Variants in TRIM49 observed in about 807,000 individuals in gnomAD.
The protein encoded by TRIM49 is tripartite motif-containing protein 49.
Under a neutral mutation model 27.4 loss-of-function variants are expected in TRIM49, and 5 were observed. The observed-to-expected ratio is 0.18, with a 90% CI of 0.10 to 0.38. The LOEUF is 0.38. Ranked by LOEUF, TRIM49 falls within the 10% of genes least tolerant of loss-of-function variation. TRIM49 has a pLI of 1.00. For synonymous variants in TRIM49, 69 were observed against 166.0 expected (o/e 0.42, Z 4.49); for missense variants, 188 against 487.5 (o/e 0.39, Z 5.79).
Position 89,798,205 on chromosome 11 carries a change from G to C in TRIM49, c.1284C>G (p.Ser428Arg). The C allele has an allele frequency of 1.3e-6, 2 of 1,540,844 alleles. No individual in the cohort carries two copies. Among genetic ancestry groups the C allele is most frequent in the Non-Finnish European group, 1.7e-6 (2 of 1,152,506 alleles). The change falls in exon 8 of 8, where the codon AGC becomes AGG. Residue 428 changes from serine to arginine, a missense_variant. By Grantham distance (110) the Ser-to-Arg change is moderately radical. Around this residue, in one of 6 missense-constraint regions of TRIM49, gnomAD observed 10 missense variants for 49.9 expected, o/e 0.20. Transcript: ENST00000329758. ...AATTAGGGATGGTGTATATTAGGGA[G>C]CTTTGATTAACATCAACAAAGCTCA... The part of the protein sequence containing the change: ...KTVSFVDVNQ[S>R]SLIYTIPNCS...
intron 6 of TRIM49, among the ~76,000 whole-genome samples, chr11:89,800,521 A>C (rs1591513380): frequency 6.6e-6 from 1 of 151,270 alleles, no homozygotes; most frequent in Non-Finnish European, 1.5e-5. Context: ...AGGCGGGCGG[A>C]TCACGGGGTC....
the TRIM49 span, among the ~76,000 whole-genome samples, chr11:89,783,049 C>G: frequency 1.6e-3 from 224 of 140,868 alleles, 19 homozygotes; most frequent in African/African-American, 5.8e-3. Context: ...ACCTCACAGA[C>G]TTTATTATTT....
At chr11:89,773,811 G>A in the TRIM49 span, among the ~76,000 whole-genome samples, 1 of 133,302 alleles carries the variant, frequency 7.5e-6, no homozygotes, top group East Asian at 2.2e-4. Flanking sequence ...AGTGGCAGGT[G>A]CCTGTAATCC....
chr11:89,806,140 G>GT (rs1404714238), intron 2 of TRIM49, among the ~76,000 whole-genome samples: 2 of 149,640 alleles, frequency 1.3e-5, no homozygotes, highest in Non-Finnish European at 3.0e-5. Flanking sequence ...AACCTGTACA[G>GT]TATGTTCTGT....
the TRIM49 span, chr11:89,782,140 T>C: frequency 6.4e-7 from 1 of 1,551,292 alleles, no homozygotes; most frequent in Non-Finnish European, 8.7e-7. Context: ...TTATTGATTC[T>C]GATGAAAGAT....
Position 89,798,818 on chromosome 11 carries a change from G to GT in TRIM49, c.860-190dup, listed in dbSNP as rs75501184. Among the ~76,000 whole-genome samples, 62 of 100,784 alleles carry GT rather than the reference G, an allele frequency of 6.2e-4. 2 individuals carry two copies. The highest frequency in any genetic ancestry group is 9.7e-4 in the East Asian group (3 of 3,106). 66.1% of individuals were successfully genotyped at this position (100,784 alleles called of 152,430 possible). On this transcript the variant is annotated intron_variant, in intron 7 of 7. Transcript: ENST00000329758. ...ACAAAACCCTAACCACAGATATTATGTTTTTTTTTTGAAAACTTACATATT... is the reference window on the plus strand; with the variant it reads ...ACAAAACCCTAACCACAGATATTATGTTTTTTTTTTTGAAAACTTACATATT...
At chr11:89,785,726 ATTAT>A in the TRIM49 span, among the ~76,000 whole-genome samples, 1 of 144,804 alleles carries the variant, frequency 6.9e-6, no homozygotes, top group African/African-American at 2.7e-5. Context: ...AAAGTTGAAA[ATTAT>A]TTAATTTTTA....
chr11:89,774,260 A>T, the TRIM49 span, among the ~76,000 whole-genome samples: 1 of 151,016 alleles, frequency 6.6e-6, no homozygotes. Context: ...TGGGCCTCCC[A>T]CAGTGCTGGG....
chr11:89,786,864 C>T, the TRIM49 span: 1 of 71,730 alleles, frequency 1.4e-5, no homozygotes, highest in Non-Finnish European at 2.3e-5. Context: ...TCAGGGCACG[C>T]TATCATCACC....
Position 89,798,343 on chromosome 11 carries a change from A to G in TRIM49, c.1146T>C (p.Cys382=), listed in dbSNP as rs1164462331. Residue 382 remains cysteine (C), a synonymous_variant, in exon 8 of 8, where the codon TGT becomes TGC. Coordinates refer to ENST00000329758, the MANE Select transcript of TRIM49 (RefSeq NM_020358.2). ...DGKAGLFLLG[C]VKNDIQCSLF... The stretch of plus-strand genomic sequence containing the variant: ...GACTGCATTGAATGTCATTCTTAAC[A>G]CACCCAAGAAGAAAGAGTCCCGCCT... The G allele has an allele frequency of 6.4e-7, 1 of 1,573,836 alleles. No homozygotes were observed. Among genetic ancestry groups the G allele is most frequent in the Admixed American group, 1.8e-5 (1 of 55,106 alleles).
At chr11:89,803,551 A>T in intron 4 of TRIM49, 147 bp downstream of exon 4, 1 of 1,470,122 alleles carries the variant, frequency 6.8e-7, no homozygotes, top group Non-Finnish European at 9.1e-7. Flanking sequence ...TATAAAAATG[A>T]GGCCACTTTT....
At chr11:89,775,656 C>A in the TRIM49 span, among the ~76,000 whole-genome samples, 4 of 133,638 alleles carry the variant, frequency 3.0e-5, no homozygotes, top group African/African-American at 6.9e-5. Flanking sequence ...TTGGCTATTT[C>A]AGAATGTGAA....
At chr11:89,804,934 G>A (rs1324805839) in intron 2 of TRIM49, among the ~76,000 whole-genome samples, 1 of 150,924 alleles carries the variant, frequency 6.6e-6, no homozygotes, top group Non-Finnish European at 1.5e-5. Flanking sequence ...TTTTTATAGA[G>A]AGTCACAAAA....
the TRIM49 span, among the ~76,000 whole-genome samples, chr11:89,778,192 T>G: frequency 5.9e-5 from 9 of 151,590 alleles, 1 homozygote; most frequent in Non-Finnish European, 8.9e-5. Context: ...CTAGCCAAAT[T>G]AATTCTAGTG....
chr11:89,806,049 A>C (rs1173906245), intron 2 of TRIM49, among the ~76,000 whole-genome samples: 2 of 150,342 alleles, frequency 1.3e-5, no homozygotes, highest in Non-Finnish European at 2.9e-5. Flanking sequence ...ATATGATAGA[A>C]TATACCACAC....
At chr11:89,805,667 G>T (rs2134647585) in intron 2 of TRIM49, among the ~76,000 whole-genome samples, 1 of 150,398 alleles carries the variant, frequency 6.6e-6, no homozygotes, top group Non-Finnish European at 1.5e-5. Context: ...ATCATGTATA[G>T]CTTGTGGACA....
At chr11:89,771,397 A>G in the TRIM49 span, among the ~76,000 whole-genome samples, 1 of 109,268 alleles carries the variant, frequency 9.2e-6, no homozygotes, top group Non-Finnish European at 1.9e-5. Flanking sequence ...TTCTTAAGAC[A>G]CAGTAGGCAC....
intron 4 of TRIM49, among the ~76,000 whole-genome samples, chr11:89,803,482 T>C (rs1393938008): frequency 6.6e-6 from 1 of 151,104 alleles, no homozygotes; most frequent in Admixed American, 6.6e-5. Flanking sequence ...CAAACCAGCA[T>C]GCTTTGGGTG....
chr11:89,777,030 T>G, the TRIM49 span: 3 of 1,548,640 alleles, frequency 1.9e-6, no homozygotes, highest in Non-Finnish European at 2.6e-6. Context: ...ATTTGCTGCA[T>G]TTGCGTGAAC....
Sources: allele counts gnomAD v4.1 joint callset (sites outside exome capture counted in the v4.1 genomes callset), GRCh38; gene constraint gnomAD v4.1.1; regional missense constraint gnomAD v4.1.1; transcripts MANE v1.5; gene names NCBI Gene and HGNC (gene_info 2026-07-23, HGNC 2026-07-21).